The following EYS variants were observed in gnomAD, a reference collection of about 807,000 sequenced individuals.
EYS encodes protein eyes shut homolog.
Under a neutral mutation model 282.1 loss-of-function variants are expected in EYS, and 250 were observed. The ratio of observed to expected loss-of-function variants is 0.89; its 90% CI spans 0.80 to 0.98. The LOEUF is 0.98. Among genes scored for constraint, EYS ranks in the 50% least tolerant of loss-of-function variants. The pLI, the probability that EYS is intolerant of heterozygous loss-of-function variation, is 0.00. For synonymous variants in EYS, 1,355 were observed against 1,282.9 expected (o/e 1.06, Z -1.20); for missense variants, 4,016 against 3,709.0 (o/e 1.08, Z -2.15).
At chr6:65,519,708 A>ATTTTTTTTTTTTT (rs59743261) in intron 2 of EYS, among the ~76,000 whole-genome samples, 3 of 42,562 alleles carry the variant, frequency 7.0e-5, no homozygotes, top group Non-Finnish European at 1.1e-4. Flanking sequence ...ATATATATAT[A>ATTTTTTTTTTTTT]TTTTTTTTTT....
chr6:64,217,973 G>T (rs566145055), intron 31 of EYS, among the ~76,000 whole-genome samples: 14 of 152,256 alleles, frequency 9.2e-5, no homozygotes, highest in African/African-American at 3.1e-4. Flanking sequence ...AGGAATCTCT[G>T]TTGTTGTAGG....
At chr6:64,141,079 C>T (rs1774323223) in intron 31 of EYS, among the ~76,000 whole-genome samples, 1 of 152,032 alleles carries the variant, frequency 6.6e-6, no homozygotes, top group Admixed American at 6.6e-5. Flanking sequence ...AATTTTCATT[C>T]CCATTTTAAG....
chr6:65,465,443 T>C (rs1348379957), intron 5 of EYS, among the ~76,000 whole-genome samples: 2 of 151,830 alleles, frequency 1.3e-5, no homozygotes, highest in East Asian at 3.9e-4. Flanking sequence ...TGCCGCTGTA[T>C]TCCAGCCTGG....
At chr6:64,099,179 C>G (rs1772739123) in intron 31 of EYS, among the ~76,000 whole-genome samples, 1 of 152,014 alleles carries the variant, frequency 6.6e-6, no homozygotes, top group African/African-American at 2.4e-5. Context: ...CATAGTAATT[C>G]ATATTTTATG....
At chr6:65,025,891 C>G (rs1772393712) in intron 13 of EYS, among the ~76,000 whole-genome samples, 1 of 152,170 alleles carries the variant, frequency 6.6e-6, no homozygotes, top group African/African-American at 2.4e-5. Flanking sequence ...GGCAGAGAAA[C>G]TTCCACACAA....
At chr6:64,973,717 A>G (rs1489571577) in intron 14 of EYS, among the ~76,000 whole-genome samples, 1 of 151,960 alleles carries the variant, frequency 6.6e-6, no homozygotes, top group African/African-American at 2.4e-5. Context: ...AGTCTTAAAG[A>G]CTCAAAGTGT....
chr6:65,580,000 G>A (rs1218576216), intron 2 of EYS, among the ~76,000 whole-genome samples: 1 of 152,072 alleles, frequency 6.6e-6, no homozygotes, highest in Admixed American at 6.6e-5. Context: ...ACATGGTCAT[G>A]TAAATATTAA....
At chr6:65,102,428 C>A (rs940087015) in intron 12 of EYS, among the ~76,000 whole-genome samples, 1 of 151,002 alleles carries the variant, frequency 6.6e-6, no homozygotes, top group Non-Finnish European at 1.5e-5. Flanking sequence ...AATAGACAAA[C>A]CCAGTATTCA....
chr6:65,387,597 C>T (rs1339824813), intron 7 of EYS, among the ~76,000 whole-genome samples: 1 of 151,660 alleles, frequency 6.6e-6, no homozygotes, highest in East Asian at 1.9e-4. Flanking sequence ...GAGTTAACTT[C>T]AAATTGGAAG....
At chr6:63,940,510 C>T (rs1200162836) in intron 35 of EYS, among the ~76,000 whole-genome samples, 1 of 152,062 alleles carries the variant, frequency 6.6e-6, no homozygotes, top group African/African-American at 2.4e-5. Context: ...GGTGATGGAT[C>T]TAAAGCTGGA....
chr6:63,727,954 A>T (rs1216972282), intron 41 of EYS, among the ~76,000 whole-genome samples: 1 of 150,750 alleles, frequency 6.6e-6, no homozygotes, highest in Non-Finnish European at 1.5e-5. Context: ...GATGGGATTC[A>T]GAAAGCATCC....
intron 31 of EYS, among the ~76,000 whole-genome samples, chr6:64,096,175 G>T (rs1471491937): frequency 1.3e-5 from 2 of 152,166 alleles, no homozygotes; most frequent in African/African-American, 2.4e-5. Flanking sequence ...CTCTCTGGCT[G>T]CCCTTAACAT....
chr6:65,476,144 C>A (rs1237642665), intron 5 of EYS, among the ~76,000 whole-genome samples: 1 of 152,074 alleles, frequency 6.6e-6, no homozygotes, highest in African/African-American at 2.4e-5. Context: ...TGCGACCCTG[C>A]TCCTGAAGTG....
intron 12 of EYS, among the ~76,000 whole-genome samples, chr6:65,119,731 G>A (rs2150194720): frequency 6.6e-6 from 1 of 150,626 alleles, no homozygotes. Context: ...GCTAGGCATG[G>A]TGGTATACAC....
intron 31 of EYS, among the ~76,000 whole-genome samples, chr6:64,113,761 A>G (rs1156879600): frequency 5.9e-5 from 9 of 152,184 alleles, no homozygotes; most frequent in Non-Finnish European, 1.5e-5. Flanking sequence ...TTTAAATGTT[A>G]TAATGGCTAT....
intron 14 of EYS, among the ~76,000 whole-genome samples, chr6:64,985,717 T>C (rs1299115817): frequency 6.6e-6 from 1 of 151,608 alleles, no homozygotes; most frequent in Non-Finnish European, 1.5e-5. Context: ...TCTTTTACTA[T>C]AAATATGTCC....
chr6:64,962,219 C>T (rs1357808110), intron 14 of EYS, among the ~76,000 whole-genome samples: 1 of 151,888 alleles, frequency 6.6e-6, no homozygotes, highest in Non-Finnish European at 1.5e-5. Context: ...GCATAAACAC[C>T]ATCATAAGGG....
In EYS at chr6:65,483,304, C is replaced by G. The variant is rs189417197; in HGVS notation, c.862+7290G>C. 8.6e-4 allele frequency among the ~76,000 whole-genome samples: 131 copies of G among 152,116 alleles called. 1 individual carries two copies. The highest frequency in any genetic ancestry group is 9.9e-4 in the Non-Finnish European group (67 of 67,974). The stretch of plus-strand genomic sequence containing the variant: ...TGAAATATGATTGGCATGCTCTACA[C>G]CATATTTATTTGCAGCCTTAATGTA... On this transcript the variant is annotated intron_variant, in intron 5 of 42. Coordinates refer to ENST00000503581, the MANE Select transcript of EYS (RefSeq NM_001142800.2).
intron 5 of EYS, among the ~76,000 whole-genome samples, chr6:65,475,894 A>C (rs1765386777): frequency 6.6e-6 from 1 of 152,092 alleles, no homozygotes; most frequent in African/African-American, 2.4e-5. Flanking sequence ...AATAATAAAT[A>C]AGGAATATTA....
Sources: gnomAD v4.1 joint callset for allele counts (sites outside exome capture counted in the v4.1 genomes callset) on GRCh38, gnomAD v4.1.1 for gene constraint, MANE v1.5 for transcripts, NCBI Gene and HGNC (gene_info 2026-07-23, HGNC 2026-07-21) for gene names.